MTG2: variants seen among roughly 807,000 people sequenced by gnomAD.
MTG2 encodes mitochondrial ribosome-associated GTPase 2.
In MTG2, 23 loss-of-function variants were observed where a neutral mutation model predicts 28.6. The ratio of observed to expected loss-of-function variants is 0.80; its 90% confidence interval spans 0.58 to 1.14. The LOEUF is 1.14. Among genes scored for constraint, MTG2 ranks in the 50% most tolerant of loss-of-function variants. The pLI is 0.00. For synonymous variants in MTG2, 260 were observed against 251.8 expected (o/e 1.03, Z -0.31); for missense variants, 539 against 552.0 (o/e 0.98, Z 0.24).
rs752099775 is a variant in MTG2 at position 62,200,757 on chromosome 20, G to A, written c.901G>A (p.Glu301Lys). 7 of 1,613,528 alleles carry A rather than the reference G, an allele frequency of 4.3e-6. No homozygotes were observed. Among genetic ancestry groups the A allele is most frequent in the Non-Finnish European group, 5.9e-6 (7 of 1,180,042 alleles). The change falls in exon 7 of 7, where the codon GAG (glutamate) becomes AAG (lysine). Residue 301 changes from glutamate to lysine, a missense_variant. Coordinates refer to ENST00000370823, the MANE Select transcript of MTG2 (RefSeq NM_015666.4). ...GGGGTCCGCCTTCCTCAGGCACATC[G>A]AGCGCTGCCGCTTTCTCTTGTTCGT... ...GLGSAFLRHI[E>K]RCRFLLFVVD... is the part of the protein sequence containing the mutation.
At chr20:62,193,371 C>T (rs1470009073) in intron 1 of MTG2, 45 bp from the exon 2 acceptor site, 4 of 1,570,294 alleles carry the variant, frequency 2.5e-6, no homozygotes, top group East Asian at 4.5e-5. Context: ...GTTTCATGCC[C>T]AGCATTAAAC....
Position 62,201,058 on chromosome 20 carries a change from G to A in MTG2, c.1202G>A (p.Arg401His), listed in dbSNP as rs200118420. 8.5e-5 allele frequency: 135 copies of A among 1,593,872 alleles called. No homozygotes were observed. The African/African-American group carries it at 9.2e-4, about 11-fold the overall frequency. ...GCGGAGGCCGAGCTGGGCCAGGGCCGCCAGCCGCTCAGGTGGTAGCCACGC... is the reference window on the plus strand; with the variant it reads ...GCGGAGGCCGAGCTGGGCCAGGGCCACCAGCCGCTCAGGTGGTAGCCACGC... ...AYAEAELGQGRQPLRW is the reference protein window; with the variant it reads ...AYAEAELGQGHQPLRW The change falls in exon 7 of 7, where the codon CGC (arginine) becomes CAC (histidine). Residue 401 changes from arginine (R) to histidine (H), a missense_variant. Physicochemically the swap from Arg to His is conservative, Grantham distance 29. Coordinates refer to ENST00000370823, the MANE Select transcript of MTG2 (RefSeq NM_015666.4).
Position 62,195,901 on chromosome 20 carries a change from G to A in MTG2, c.304G>A (p.Gly102Ser), listed in dbSNP as rs2058048395. The A allele has an allele frequency of 6.2e-7, 1 of 1,614,112 alleles. No homozygotes were observed. Among genetic ancestry groups the A allele is most frequent in the African/African-American group, 1.3e-5 (1 of 74,956 alleles). Reference protein sequence around the residue: ...FHSEPRKEFGGPDGGDGGNGG... With the variant: ...FHSEPRKEFGSPDGGDGGNGG... ...CAGTGAGCCCCGCAAGGAGTTTGGAGGCCCTGATGGAGGGGACGGAGGCAA... is the reference window on the plus strand; with the variant it reads ...CAGTGAGCCCCGCAAGGAGTTTGGAAGCCCTGATGGAGGGGACGGAGGCAA... The change falls in exon 3 of 7, where the codon GGC (glycine) becomes AGC (serine). Residue 102 changes from glycine (G) to serine (S), a missense_variant. Physicochemically the swap from Gly to Ser is moderately conservative, Grantham distance 56. Transcript: ENST00000370823.
chr20:62,183,713 C>T (rs1053553025), intron 1 of MTG2, among the ~76,000 whole-genome samples: 3 of 152,144 alleles, frequency 2.0e-5, no homozygotes, highest in African/African-American at 7.2e-5. Context: ...TGGGCAGTGT[C>T]ACTAGAGAAA....
chr20:62,196,165 TTG>T (rs1491018233), intron 3 of MTG2, among the ~76,000 whole-genome samples: 1 of 132,670 alleles, frequency 7.5e-6, no homozygotes, highest in Admixed American at 8.3e-5. Flanking sequence ...GTTTGTTTTT[TTG>T]TTTTTTTTTT....
chr20:62,193,863 G>C, intron 2 of MTG2: 1 of 526,020 alleles, frequency 1.9e-6, no homozygotes, highest in South Asian at 2.4e-5. Context: ...CGTGATACAG[G>C]CTGCTCATTT....
chr20:62,199,299 T>C, intron 6 of MTG2, 42 bp downstream of exon 6: 1 of 1,584,720 alleles, frequency 6.3e-7, no homozygotes, highest in Non-Finnish European at 8.6e-7. Context: ...ATTTAAATGA[T>C]GTAATTCAGA....
At chr20:62,183,090 G>T (rs1456964056) in intron 1 of MTG2, 33 bp downstream of exon 1, 2 of 143,110 alleles carry the variant, frequency 1.4e-5, no homozygotes, top group African/African-American at 3.0e-5. Context: ...GGGAGCGTGG[G>T]CCTGGGGGGT....
intron 1 of MTG2, among the ~76,000 whole-genome samples, chr20:62,187,237 G>C (rs1739596): frequency 0.036 from 5,458 of 152,256 alleles, 286 homozygotes; most frequent in African/African-American, 0.12. Flanking sequence ...TTTCTGAACT[G>C]CTGGATTCAA....
intron 1 of MTG2, among the ~76,000 whole-genome samples, chr20:62,192,505 C>G (rs2057979754): frequency 6.6e-6 from 1 of 152,126 alleles, no homozygotes; most frequent in South Asian, 2.1e-4. Context: ...TCCATGGAGG[C>G]CTCATCATGG....
intron 1 of MTG2, among the ~76,000 whole-genome samples, chr20:62,186,861 T>C (rs1447286717): frequency 3.9e-5 from 6 of 152,216 alleles, no homozygotes; most frequent in Non-Finnish European, 5.9e-5. Context: ...CTCTGTCCTC[T>C]CTTCTGTAAA....
Position 62,199,113 on chromosome 20 carries a change from C to T in MTG2, c.688-6C>T, listed in dbSNP as rs1443763097. 9 of 1,613,846 alleles carry T rather than the reference C, an allele frequency of 5.6e-6. No homozygotes were observed. The highest frequency in any genetic ancestry group is 6.8e-6 in the Non-Finnish European group (8 of 1,179,922). On this transcript the variant is annotated splice_region_variant and splice_polypyrimidine_tract_variant and intron_variant, in intron 5 of 6. Coordinates refer to ENST00000370823, the MANE Select transcript of MTG2 (RefSeq NM_015666.4). ...GCCGTGCCACCGTCTTCCCTCTTTC[C>T]CCCAGGTGGGATTCCCCAACGCCGG... is the stretch of plus-strand genomic sequence containing the variant.
intron 1 of MTG2, among the ~76,000 whole-genome samples, chr20:62,189,524 C>T (rs1382325540): frequency 6.6e-6 from 1 of 151,382 alleles, no homozygotes; most frequent in African/African-American, 2.4e-5. Flanking sequence ...AGGCTGGTCT[C>T]GAACTCATGG....
Position 62,198,750 on chromosome 20 carries a change from C to T in MTG2, c.585C>T (p.Phe195=). ...CAGGAGGGAAAGGCAACCGCTTCTT[C>T]CTGGCCAACAACAACCGTGCCCCTG... ...GGAGGKGNRF[F]LANNNRAPVT... Residue 195 remains phenylalanine, a synonymous_variant, in exon 5 of 7, where the codon TTC becomes TTT. Coordinates refer to ENST00000370823, the MANE Select transcript of MTG2 (RefSeq NM_015666.4). 1 of 1,614,140 alleles carries T rather than the reference C, an allele frequency of 6.2e-7. No individual in the cohort carries two copies. Among genetic ancestry groups the T allele is most frequent in the East Asian group, 2.2e-5 (1 of 44,874 alleles).
At chr20:62,197,595 C>T (rs989331493) in intron 3 of MTG2, 10 of 400,660 alleles carry the variant, frequency 2.5e-5, no homozygotes, top group Non-Finnish European at 4.2e-5. Context: ...GGAGTGAAGC[C>T]TTCACAACAA....
intron 2 of MTG2, among the ~76,000 whole-genome samples, chr20:62,195,155 C>T (rs968257206): frequency 2.0e-5 from 3 of 152,148 alleles, no homozygotes; most frequent in African/African-American, 7.2e-5. Context: ...GAGATCCCAC[C>T]GTTGCACTCC....
intron 5 of MTG2, 73 bp from the exon 6 acceptor site, chr20:62,199,046 C>T: frequency 8.8e-6 from 14 of 1,597,866 alleles, no homozygotes; most frequent in Non-Finnish European, 1.2e-5. Context: ...CCTCCAATCC[C>T]AGTTAGTTAC....
chr20:62,188,471 T>G (rs1488972767), intron 1 of MTG2, among the ~76,000 whole-genome samples: 8 of 151,514 alleles, frequency 5.3e-5, no homozygotes, highest in Non-Finnish European at 8.8e-5. Context: ...GTAGCTGGTA[T>G]TATAGGCATG....
chr20:62,190,329 G>A (rs2145837392), intron 1 of MTG2, among the ~76,000 whole-genome samples: 1 of 152,342 alleles, frequency 6.6e-6, no homozygotes, highest in South Asian at 2.1e-4. Context: ...CAACTACGCA[G>A]TATTTTTTTG....
Sources: allele counts gnomAD v4.1 joint callset (sites outside exome capture counted in the v4.1 genomes callset), GRCh38; gene constraint gnomAD v4.1.1; transcripts MANE v1.5; gene names NCBI Gene and HGNC (gene_info 2026-07-23, HGNC 2026-07-21).